The following BRDT variants were observed in gnomAD, a reference collection of about 807,000 sequenced individuals.
The protein encoded by BRDT is bromodomain testis associated, also known as bromodomain testis-specific protein.
In BRDT, 77 loss-of-function variants were observed where a neutral mutation model predicts 113.9. The ratio of observed to expected loss-of-function variants is 0.68; its 90% CI spans 0.56 to 0.82. The LOEUF is 0.82. Ranked by LOEUF, BRDT falls within the 40% of genes least tolerant of loss-of-function variation. The probability of loss-of-function intolerance (pLI) is 0.00; values close to 1 mark genes in which losing one functional copy is unlikely to be tolerated. For synonymous variants in BRDT, 358 were observed against 366.5 expected (o/e 0.98, Z 0.26); for missense variants, 1,027 against 1,105.4 (o/e 0.93, Z 1.01).
At chr1:91,981,420 A>G (rs201663866) in intron 11 of BRDT, 39 bp downstream of exon 11, 1 of 1,548,960 alleles carries the variant, frequency 6.5e-7, no homozygotes, top group Admixed American at 1.7e-5. Context: ...GTATGTATGT[A>G]TGTATGTAGA....
chr1:91,958,510 C>G (rs1223465350), intron 1 of BRDT, among the ~76,000 whole-genome samples: 1 of 152,166 alleles, frequency 6.6e-6, no homozygotes. Context: ...GCCACCACGC[C>G]CAGCCGATAG....
intron 18 of BRDT, among the ~76,000 whole-genome samples, chr1:92,008,459 A>C (rs1187882843): frequency 1.3e-5 from 2 of 152,056 alleles, no homozygotes; most frequent in Non-Finnish European, 2.9e-5. Context: ...ATACCCCTCT[A>C]TATATATGCC....
Position 91,981,160 on chromosome 1 carries a change from A to G in BRDT, c.1732A>G (p.Arg578Gly), listed in dbSNP as rs772369860. Residue 578 changes from arginine (R) to glycine (G), a missense_variant, in exon 10 of 19, where the codon AGA (arginine) becomes GGA (glycine). Arg to Gly is a moderately radical substitution (Grantham distance 125). Coordinates refer to ENST00000399546, the MANE Select transcript of BRDT (RefSeq NM_207189.4). Reference sequence around the variant, plus strand: ...ATATGTTTCGGCATGTCTAAGAAAGAGACCATTAAAACCTCCTGGTATGTA... The same window carrying G: ...ATATGTTTCGGCATGTCTAAGAAAGGGACCATTAAAACCTCCTGGTATGTA... ...EKYVSACLRK[R>G]PLKPPAKKIM... 10 of 1,610,226 alleles carry G rather than the reference A, an allele frequency of 6.2e-6. No homozygotes were observed. Among genetic ancestry groups the G allele is most frequent in the Non-Finnish European group, 8.5e-6 (10 of 1,178,954 alleles).
chr1:91,982,623 A>G (rs993001645), intron 12 of BRDT, among the ~76,000 whole-genome samples: 1 of 152,202 alleles, frequency 6.6e-6, no homozygotes, highest in Non-Finnish European at 1.5e-5. Context: ...AGCATTATTA[A>G]AAGCATCCCT....
At chr1:91,976,976 C>A in intron 5 of BRDT, 67 bp from the exon 6 acceptor site, 1 of 1,247,708 alleles carries the variant, frequency 8.0e-7, no homozygotes, top group Non-Finnish European at 1.1e-6. Context: ...TTTCTTTTAA[C>A]TGATAAGGAA....
intron 14 of BRDT, 43 bp from the exon 15 acceptor site, chr1:91,994,040 G>A: frequency 1.3e-6 from 2 of 1,498,478 alleles, no homozygotes; most frequent in Non-Finnish European, 1.8e-6. Context: ...TATACTTCTT[G>A]TATGGTTAAA....
chr1:91,980,163 T>C (rs149072800), intron 8 of BRDT, among the ~76,000 whole-genome samples: 3,016 of 152,154 alleles, frequency 0.02, 49 homozygotes, highest in Non-Finnish European at 0.028. Context: ...CCCCAACACT[T>C]TGGGAGTCCA....
chr1:91,950,768 G>C (rs1051675037), intron 1 of BRDT: 8 of 133,496 alleles, frequency 6.0e-5, no homozygotes, highest in African/African-American at 2.2e-4. Context: ...GCTCACGCCT[G>C]TAATCCCAGC....
At chr1:92,005,571 G>T (rs1299219721) in intron 18 of BRDT, among the ~76,000 whole-genome samples, 1 of 152,094 alleles carries the variant, frequency 6.6e-6, no homozygotes, top group African/African-American at 2.4e-5. Flanking sequence ...TTGAGGCCAG[G>T]AGTTAGAGGC....
intron 12 of BRDT, among the ~76,000 whole-genome samples, chr1:91,990,173 A>G (rs1685632567): frequency 6.6e-6 from 1 of 152,136 alleles, no homozygotes; most frequent in Non-Finnish European, 1.5e-5. Context: ...AACCCACTAG[A>G]ACCGTGTTGG....
intron 4 of BRDT, among the ~76,000 whole-genome samples, chr1:91,972,477 G>A (rs2101628196): frequency 6.6e-6 from 1 of 152,298 alleles, no homozygotes; most frequent in East Asian, 1.9e-4. Context: ...ACACTAGACA[G>A]TAAGCTACAA....
chr1:92,013,951 ACTTATT>A (rs1180255131), intron 18 of BRDT, among the ~76,000 whole-genome samples: 2 of 152,158 alleles, frequency 1.3e-5, no homozygotes, highest in Non-Finnish European at 2.9e-5. Context: ...GAGGGGTCAA[ACTTATT>A]CTTAGTGTTC....
At chr1:91,949,937 A>G (rs146280144) in intron 1 of BRDT, 1 of 152,148 alleles carries the variant, frequency 6.6e-6, no homozygotes, top group African/African-American at 2.4e-5. Context: ...CCTGTACTGT[A>G]ATTTTGGAAA....
chr1:91,959,977 G>A (rs74810965), intron 1 of BRDT, among the ~76,000 whole-genome samples: 301 of 152,254 alleles, frequency 2.0e-3, no homozygotes, highest in Non-Finnish European at 3.4e-3. Flanking sequence ...TGGGACCTGA[G>A]CATTGGTATT....
chr1:92,005,358 T>C, intron 18 of BRDT, 59 bp downstream of exon 18: 1 of 1,412,318 alleles, frequency 7.1e-7, no homozygotes. Context: ...AACAGAGCAC[T>C]GTCTTTTGTA....
At chr1:92,002,214 C>T in intron 16 of BRDT, 65 bp downstream of exon 16, 3 of 1,143,118 alleles carry the variant, frequency 2.6e-6, no homozygotes, top group East Asian at 5.0e-5. Context: ...GGAAGTGGTA[C>T]AAGAGGTATT....
chr1:91,976,520 G>A (rs543584276), intron 5 of BRDT, 82 bp downstream of exon 5: 132 of 1,298,694 alleles, frequency 1.0e-4, no homozygotes, highest in Non-Finnish European at 1.2e-4. Flanking sequence ...AGTCTTCAGC[G>A]TCTAGCAATT....
chr1:91,981,729 C>G lies in BRDT; in HGVS notation c.1976C>G (p.Ser659Cys). ...ESESSSSDLS[S>C]SDSSDSESEM... ...GAAAGTAGCAGCAGTGACTTAAGCT[C>G]TTCAGACAGCAGTGATTCTGAATCA... Residue 659 changes from serine (S) to cysteine (C), a missense_variant, in exon 12 of 19, where the codon TCT becomes TGT. Transcript: ENST00000399546. 6.2e-7 allele frequency: 1 copy of G among 1,613,858 alleles called. No individual in the cohort carries two copies. Among genetic ancestry groups the G allele is most frequent in the African/African-American group, 1.3e-5 (1 of 75,026 alleles).
chr1:91,973,262 C>T (rs190888121), intron 4 of BRDT, among the ~76,000 whole-genome samples: 1 of 152,124 alleles, frequency 6.6e-6, no homozygotes, highest in African/African-American at 2.4e-5. Context: ...CTTGGCAATG[C>T]GGGCTCTTTT....
Sources: gnomAD v4.1 joint callset for allele counts (sites outside exome capture counted in the v4.1 genomes callset) on GRCh38, gnomAD v4.1.1 for gene constraint, MANE v1.5 for transcripts, NCBI Gene and HGNC (gene_info 2026-07-23, HGNC 2026-07-21) for gene names.